DVL1: variants seen among roughly 807,000 people sequenced by gnomAD.
The protein encoded by DVL1 is dishevelled segment polarity protein 1.
DVL1 carries 49 observed loss-of-function variants against 65.0 expected under a neutral mutation model. That is an observed-to-expected ratio of 0.75 (90% CI 0.60 to 0.96). DVL1 has a LOEUF of 0.96. Ranked by LOEUF, DVL1 falls within the 40% of genes least tolerant of loss-of-function variation. The pLI, the probability that DVL1 is intolerant of heterozygous loss-of-function variation, is 0.00. For missense variants in DVL1, 1,197 were observed against 1,045.4 expected, an observed-to-expected ratio of 1.15 and a Z score of -2.00; for synonymous variants, 608 against 433.9, an observed-to-expected ratio of 1.40 and a Z score of -4.99.
rs771184013 is a variant in DVL1 at position 1,339,835 on chromosome 1, G to A, written c.910-23C>T. ...CACCTGCAGGGGTGGGGATTAGGGT[G>A]GTGCAGGCAGGATGTGCAGCTCAGT... On this transcript the variant is annotated intron_variant, in intron 8 of 14. Coordinates refer to ENST00000378888, the MANE Select transcript of DVL1 (RefSeq NM_001330311.2). 13 of 1,585,812 alleles carry A rather than the reference G, an allele frequency of 8.2e-6. No homozygotes were observed. The African/African-American group carries it at 8.5e-5, about 10-fold the overall frequency.
chr1:1,336,553 C>G (rs1643582680), intron 14 of DVL1, 38 bp from the exon 15 acceptor site: 3 of 1,482,738 alleles, frequency 2.0e-6, no homozygotes, highest in South Asian at 1.4e-5. Flanking sequence ...AGCCTGTCAG[C>G]ACCAGGCCCG....
chr1:1,337,936 G>C, intron 14 of DVL1, 41 bp downstream of exon 14: 1 of 1,536,896 alleles, frequency 6.5e-7, no homozygotes, highest in Non-Finnish European at 8.9e-7. Context: ...GCGGAGCTGG[G>C]GGCGGAGCCG....
At chr1:1,336,645 G>A in intron 14 of DVL1, 130 bp from the exon 15 acceptor site, 1 of 1,255,508 alleles carries the variant, frequency 8.0e-7, no homozygotes, top group South Asian at 1.7e-5. Context: ...GGGCAGCCAT[G>A]CAGGCGCGAG....
chr1:1,339,691 AC>A (rs747433206), intron 9 of DVL1, 42 bp from the exon 10 acceptor site: 2 of 1,611,912 alleles, frequency 1.2e-6, no homozygotes, highest in South Asian at 2.2e-5. Flanking sequence ...CCATGGTCCC[AC>A]CTCCCTGCCT....
rs150178437 is a variant in DVL1, at chr1:1,337,389, G to T, written c.1714+588C>A. ...CACCTCAGGAACACTCTGGATCCCC[G>T]GCCCCTAAACACACCCCAGCCAGGG... On this transcript the variant is annotated intron_variant, in intron 14 of 14. Coordinates refer to ENST00000378888, the MANE Select transcript of DVL1 (RefSeq NM_001330311.2). Among the ~76,000 whole-genome samples the T allele has an allele frequency of 3.3e-3, 505 of 152,248 alleles. 2 individuals are homozygous for T. The highest frequency in any genetic ancestry group is 5.0e-3 in the Non-Finnish European group (340 of 68,002).
chr1:1,341,101 A>G (rs1188036193), intron 5 of DVL1, among the ~76,000 whole-genome samples: 3 of 146,616 alleles, frequency 2.0e-5, no homozygotes, highest in East Asian at 2.1e-4. Flanking sequence ...GCACACCTGC[A>G]CACACCTGCA....
chr1:1,337,826 G>A, intron 14 of DVL1, 151 bp downstream of exon 14: 1 of 741,700 alleles, frequency 1.3e-6, no homozygotes, highest in Admixed American at 2.0e-5. Context: ...ATTGGGGTCA[G>A]CAGAGAAGCA....
chr1:1,338,346 T>G lies in DVL1; in HGVS notation c.1430A>C (p.His477Pro). The G allele has an allele frequency of 1.2e-6, 2 of 1,612,360 alleles. No homozygotes were observed. Among genetic ancestry groups the G allele is most frequent in the Non-Finnish European group, 1.7e-6 (2 of 1,179,808 alleles). ...ARKYASSLLK[H>P]GFLRHTVNKI... ...GTTGACCGTGTGCCGCAGGAAGCCG[T>G]GCTTCAGCAAGCTGCTGGCGTACTT... is the stretch of plus-strand genomic sequence containing the variant. The change falls in exon 13 of 15, where the codon CAC becomes CCC. Residue 477 changes from histidine (H) to proline (P), a missense_variant. His to Pro is a moderately conservative substitution (Grantham distance 77). Transcript: ENST00000378888.
At position 1,335,976 on chromosome 1, in the gene DVL1, G is replaced by T; in HGVS notation, c.*166C>A. ...ACACGGCTGCTCAGACACAGGTGCT[G>T]TCAGGAGCTGGAGCAGCCAGGCTGC... On this transcript the variant is annotated 3_prime_UTR_variant, in exon 15 of 15. Coordinates refer to ENST00000378888, the MANE Select transcript of DVL1 (RefSeq NM_001330311.2). 1 of 908,754 alleles carries T rather than the reference G, an allele frequency of 1.1e-6. No individual in the cohort carries two copies. The highest frequency in any genetic ancestry group is 1.6e-6 in the Non-Finnish European group (1 of 613,284). 56.3% of individuals were successfully genotyped at this position (908,754 alleles called of 1,614,324 possible). A position where few individuals can be genotyped will look rare whatever the true frequency, so the allele number is the denominator to read the frequency against.
intron 1 of DVL1, among the ~76,000 whole-genome samples, chr1:1,346,477 C>A (rs914764122): frequency 6.6e-6 from 1 of 152,244 alleles, no homozygotes; most frequent in Non-Finnish European, 1.5e-5. Flanking sequence ...CTGCCAACCA[C>A]CAAACCCAGC....
chr1:1,340,190 C>T lies in DVL1; in HGVS notation c.770-13G>A, dbSNP rs754434938. ...AAGTGATGTCTTTCTGCAGGAAGAG[C>T]CATGAGCCGCGGCCAAGCCCCTGCC... On this transcript the variant is annotated splice_polypyrimidine_tract_variant and intron_variant, in intron 7 of 14. Coordinates refer to ENST00000378888, the MANE Select transcript of DVL1 (RefSeq NM_001330311.2). 1.2e-6 allele frequency: 2 copies of T among 1,613,600 alleles called. No homozygotes were observed. Among genetic ancestry groups the T allele is most frequent in the African/African-American group, 2.7e-5 (2 of 74,924 alleles).
In DVL1 at chr1:1,338,630, C is replaced by T. The variant is rs780523329; in HGVS notation, c.1231G>A (p.Val411Met). 9 of 1,611,104 alleles carry T rather than the reference C, an allele frequency of 5.6e-6. No homozygotes were observed. The highest frequency in any genetic ancestry group is 1.1e-5 in the South Asian group (1 of 91,084). Residue 411 changes from valine to methionine, a missense_variant, in exon 12 of 15, where the codon GTG becomes ATG. Val to Met is a conservative substitution (Grantham distance 21, BLOSUM62 1). Transcript: ENST00000378888. The stretch of plus-strand genomic sequence containing the variant: ...ACGACGGCGCTCATGTCACTCTTCA[C>T]CGTCAGCGGCGCCTCTTCCAGCTCT... Reference protein sequence around the residue: ...APQLEEAPLTVKSDMSAVVRV... With the variant: ...APQLEEAPLTMKSDMSAVVRV...
chr1:1,339,992 G>A lies in DVL1; in HGVS notation c.909+46C>T, dbSNP rs189778963. ...CGCACGTCACCCCAAAGTCCCCACG[G>A]ACCCACCCGCAGCTACATGTCACCC... On this transcript the variant is annotated intron_variant, in intron 8 of 14. Transcript: ENST00000378888. 1.7e-3 allele frequency: 2,681 copies of A among 1,584,836 alleles called. 37 individuals carry two copies. In the African/African-American group the frequency reaches 0.027, roughly 16 times the overall value.
At chr1:1,346,076 A>C (rs904842261) in intron 1 of DVL1, among the ~76,000 whole-genome samples, 1 of 152,130 alleles carries the variant, frequency 6.6e-6, no homozygotes, top group Non-Finnish European at 1.5e-5. Flanking sequence ...GGAGGCACTC[A>C]GGGCACAGAG....
At chr1:1,347,281 C>G (rs976459178) in intron 1 of DVL1, among the ~76,000 whole-genome samples, 14 of 152,200 alleles carry the variant, frequency 9.2e-5, no homozygotes, top group African/African-American at 2.9e-4. Context: ...TGAAGCTCCC[C>G]TGTCTCTTTC....
chr1:1,345,213 G>A (rs1342731855), intron 1 of DVL1, among the ~76,000 whole-genome samples: 2 of 152,142 alleles, frequency 1.3e-5, no homozygotes, highest in Admixed American at 6.5e-5. Flanking sequence ...CCTCACAGAT[G>A]TCCAGCCAGG....
chr1:1,342,763 G>A lies in DVL1; in HGVS notation c.171-5C>T, dbSNP rs1171149205. 4 of 1,612,624 alleles carry A rather than the reference G, an allele frequency of 2.5e-6. No homozygotes were observed. The highest frequency in any genetic ancestry group is 1.3e-5 in the African/African-American group (1 of 74,906). On this transcript the variant is annotated splice_polypyrimidine_tract_variant and splice_region_variant and intron_variant, in intron 1 of 14. Transcript: ENST00000378888. ...AAGATCTCCTCCTTCACCACCCTGT[G>A]GGCATATGCTGCCGTGAGGCCCCAC...
At chr1:1,345,311 A>G (rs1207084582) in intron 1 of DVL1, among the ~76,000 whole-genome samples, 2 of 152,216 alleles carry the variant, frequency 1.3e-5, no homozygotes, top group African/African-American at 4.8e-5. Flanking sequence ...TGCAGACCCA[A>G]GCCTGGCTGG....
At chr1:1,344,823 C>T (rs2100762232) in intron 1 of DVL1, among the ~76,000 whole-genome samples, 1 of 152,292 alleles carries the variant, frequency 6.6e-6, no homozygotes, top group African/African-American at 2.4e-5. Flanking sequence ...CCACAGTGAG[C>T]CCTTGTCTCT....
Sources: gnomAD v4.1 joint callset for allele counts (sites outside exome capture counted in the v4.1 genomes callset) on GRCh38, gnomAD v4.1.1 for gene constraint, MANE v1.5 for transcripts, NCBI Gene and HGNC (gene_info 2026-07-23, HGNC 2026-07-21) for gene names.